ALDH1L2: variants seen among roughly 807,000 people sequenced by gnomAD.
ALDH1L2 encodes the protein mitochondrial 10-formyltetrahydrofolate dehydrogenase.
In ALDH1L2, 91 loss-of-function variants were observed where a neutral mutation model predicts 111.0. The observed-to-expected ratio is 0.82, with a 90% CI of 0.69 to 0.98. The LOEUF (loss-of-function observed/expected upper bound fraction) is 0.98. Among genes scored for constraint, ALDH1L2 ranks in the 50% least tolerant of loss-of-function variants. The probability of loss-of-function intolerance (pLI) is 0.00; values close to 1 mark genes in which losing one functional copy is unlikely to be tolerated. For synonymous variants in ALDH1L2, 374 were observed against 392.6 expected, an observed-to-expected ratio of 0.95 and a Z score of 0.56; for missense variants, 995 against 1,126.8, an observed-to-expected ratio of 0.88 and a Z score of 1.67.
intron 15 of ALDH1L2, among the ~76,000 whole-genome samples, chr12:105,046,139 C>T (rs1875832730): frequency 8.0e-6 from 1 of 125,290 alleles, no homozygotes; most frequent in African/African-American, 3.0e-5. Context: ...TTTCCCTCAT[C>T]TTCTACATCT....
rs201390784 is a variant in ALDH1L2, at chr12:105,039,769, G to A, written c.1989C>T (p.Asp663=). ...ATCCAGTGAAACCAAGTTTGCGGAT[G>A]TCAGGATGTTCAGACAGACGTTGTC... is the stretch of plus-strand genomic sequence containing the variant. ...IAGQRLSEHP[D]IRKLGFTGST... Residue 663 remains aspartate, a synonymous_variant, in exon 17 of 23, where the codon GAC becomes GAT. Transcript: ENST00000258494. 4.5e-5 allele frequency: 72 copies of A among 1,614,086 alleles called. No individual in the cohort carries two copies. Among genetic ancestry groups the A allele is most frequent in the Admixed American group, 2.7e-4 (16 of 60,020 alleles).
chr12:105,049,736 AT>A, intron 13 of ALDH1L2, 171 bp downstream of exon 13: 1 of 681,518 alleles, frequency 1.5e-6, no homozygotes, highest in Non-Finnish European at 2.2e-6. Flanking sequence ...TCTGTTCTTT[AT>A]AAATTACCTA....
rs552458085 is a variant in ALDH1L2 at position 105,031,705 on chromosome 12, T to A, written c.2410+64A>T. The A allele has an allele frequency of 6.8e-5, 107 of 1,562,438 alleles. No homozygotes were observed. The African/African-American group carries it at 1.4e-3, about 21-fold the overall frequency. On this transcript the variant is annotated intron_variant, in intron 20 of 22. Coordinates refer to ENST00000258494, the MANE Select transcript of ALDH1L2 (RefSeq NM_001034173.4). Reference sequence around the variant, plus strand: ...CATGTTGGCCAGGCTGGTCTTAAACTGTCGCTGTCCATTCCAACTGAAGAA... The same window carrying A: ...CATGTTGGCCAGGCTGGTCTTAAACAGTCGCTGTCCATTCCAACTGAAGAA...
At position 105,052,993 on chromosome 12, in the gene ALDH1L2, G is replaced by C. The variant is rs561803756; in HGVS notation, c.1288-62C>G. On this transcript the variant is annotated intron_variant, in intron 10 of 22. Transcript: ENST00000258494. The stretch of plus-strand genomic sequence containing the variant: ...GTGTTTACCAATTTGATGTCAAACA[G>C]CAATAAAGAAGCATATTCACGAATG... The C allele has an allele frequency of 1.8e-5, 28 of 1,570,812 alleles. No individual in the cohort carries two copies. In the African/African-American group the frequency reaches 3.0e-4, roughly 17 times the overall value.
chr12:105,033,679 A>G (rs1181370324), intron 19 of ALDH1L2, among the ~76,000 whole-genome samples: 1 of 152,168 alleles, frequency 6.6e-6, no homozygotes, highest in Non-Finnish European at 1.5e-5. Flanking sequence ...TAACACTCCT[A>G]TAGATGACTT....
chr12:105,077,812 C>T (rs1878142187), intron 1 of ALDH1L2, among the ~76,000 whole-genome samples: 1 of 151,924 alleles, frequency 6.6e-6, no homozygotes, highest in South Asian at 2.1e-4. Context: ...AGAGTCTGCC[C>T]TGATCTGAAG....
chr12:105,054,481 T>G (rs1876489669), intron 10 of ALDH1L2, among the ~76,000 whole-genome samples: 1 of 152,234 alleles, frequency 6.6e-6, no homozygotes, highest in African/African-American at 2.4e-5. Flanking sequence ...ATTAACTGCC[T>G]TATTCCCATC....
At chr12:105,061,512 CAAAAA>C (rs1299281573) in intron 8 of ALDH1L2, 110 bp downstream of exon 8, 3 of 1,433,778 alleles carry the variant, frequency 2.1e-6, no homozygotes, top group Non-Finnish European at 2.8e-6. Context: ...GCAGCTAATA[CAAAAA>C]AAGAGGAAAT....
chr12:105,076,330 G>A (rs986368099), intron 1 of ALDH1L2, among the ~76,000 whole-genome samples: 3 of 152,136 alleles, frequency 2.0e-5, no homozygotes, highest in African/African-American at 7.2e-5. Context: ...AGGAAGAAAT[G>A]GTGGAAATAA....
In ALDH1L2 at chr12:105,026,681, A is replaced by G; in HGVS notation, c.2580T>C (p.Phe860=). 1 of 1,614,178 alleles carries G rather than the reference A, an allele frequency of 6.2e-7. No homozygotes were observed. Among genetic ancestry groups the G allele is most frequent in the Non-Finnish European group, 8.5e-7 (1 of 1,180,010 alleles). ...STEYGLASGV[F]TRDINKAMYV... ...ACATAGCTTTGTTTATGTCTCTTGT[A>G]AAAACCCCTGAGGCCAAACCATACT... The change falls in exon 22 of 23, where the codon TTT becomes TTC. Residue 860 remains phenylalanine, a synonymous_variant. Coordinates refer to ENST00000258494, the MANE Select transcript of ALDH1L2 (RefSeq NM_001034173.4).
intron 10 of ALDH1L2, among the ~76,000 whole-genome samples, chr12:105,057,765 C>A (rs190063589): frequency 6.6e-6 from 1 of 152,232 alleles, no homozygotes; most frequent in East Asian, 1.9e-4. Context: ...AATTTTGGAA[C>A]ATTTTTTGTA....
At chr12:105,063,087 A>G (rs190325229) in intron 6 of ALDH1L2, 65 bp from the exon 7 acceptor site, 4 of 1,499,464 alleles carry the variant, frequency 2.7e-6, no homozygotes, top group African/African-American at 2.8e-5. Flanking sequence ...GGTATGTATA[A>G]GCATCATTCT....
chr12:105,079,564 G>A (rs1878235944), intron 1 of ALDH1L2, among the ~76,000 whole-genome samples: 1 of 152,170 alleles, frequency 6.6e-6, no homozygotes, highest in African/African-American at 2.4e-5. Context: ...ACACTTCAAA[G>A]ACTTTGAGTA....
intron 1 of ALDH1L2, among the ~76,000 whole-genome samples, chr12:105,075,442 G>A (rs370344058): frequency 2.6e-5 from 4 of 152,126 alleles, no homozygotes; most frequent in Non-Finnish European, 5.9e-5. Flanking sequence ...AAAATTAGCC[G>A]GGTATGGTGG....
chr12:105,051,833 G>T (rs539929965), intron 12 of ALDH1L2, among the ~76,000 whole-genome samples: 2 of 142,248 alleles, frequency 1.4e-5, no homozygotes, highest in East Asian at 4.1e-4. Context: ...AGCACAGGCT[G>T]GAGTGCAGTG....
At chr12:105,043,868 G>A (rs7302857) in intron 15 of ALDH1L2, among the ~76,000 whole-genome samples, 55,996 of 151,956 alleles carry the variant, frequency 0.37, 10,567 homozygotes, top group South Asian at 0.52. Context: ...TGTCACACCT[G>A]GACCAGACCA....
intron 8 of ALDH1L2, 80 bp from the exon 9 acceptor site, chr12:105,061,152 C>T: frequency 4.2e-6 from 5 of 1,200,632 alleles, no homozygotes; most frequent in Non-Finnish European, 6.1e-6. Context: ...TTCACCAAAC[C>T]AATTCCCTCT....
At chr12:105,046,179 CTCTCTCTCTCTCTCTATA>C (rs1234002088) in intron 15 of ALDH1L2, among the ~76,000 whole-genome samples, 15 of 26,112 alleles carry the variant, frequency 5.7e-4, no homozygotes, top group East Asian at 2.7e-3. Flanking sequence ...CTCTCTCTCT[CTCTCTCTCTCTCTCTATA>C]TATATATATA....
chr12:105,028,577 C>T (rs1412459056), intron 21 of ALDH1L2, among the ~76,000 whole-genome samples: 2 of 152,196 alleles, frequency 1.3e-5, no homozygotes, highest in Non-Finnish European at 2.9e-5. Context: ...TAAACTTGCA[C>T]AAGAAATCTG....
Sources: gnomAD v4.1 joint callset for allele counts (sites outside exome capture counted in the v4.1 genomes callset) on GRCh38, gnomAD v4.1.1 for gene constraint, MANE v1.5 for transcripts, NCBI Gene and HGNC (gene_info 2026-07-23, HGNC 2026-07-21) for gene names.